FCHSD2: variants seen among roughly 807,000 people sequenced by gnomAD.
FCHSD2 encodes F-BAR and double SH3 domains protein 2.
Under a neutral mutation model 108.1 loss-of-function variants are expected in FCHSD2, and 38 were observed. The observed-to-expected ratio is 0.35, with a 90% CI of 0.27 to 0.46. The LOEUF is 0.46. FCHSD2 is among the 20% of genes least tolerant of loss of function. FCHSD2 has a pLI of 1.00. For missense variants in FCHSD2, 751 were observed against 897.8 expected (o/e 0.84, Z 2.09); for synonymous variants, 279 against 314.7 (o/e 0.89, Z 1.20).
chr11:73,132,793 C>T (rs2135573405), intron 2 of FCHSD2, among the ~76,000 whole-genome samples: 1 of 148,868 alleles, frequency 6.7e-6, no homozygotes, highest in South Asian at 2.1e-4. Context: ...CCCCTGCACT[C>T]CAGTCTGGGT....
intron 2 of FCHSD2, among the ~76,000 whole-genome samples, chr11:73,116,840 A>C (rs866875567): frequency 6.6e-6 from 1 of 152,254 alleles, no homozygotes; most frequent in East Asian, 1.9e-4. Flanking sequence ...CCTGGCCCAT[A>C]TCTCTTTTTT....
At chr11:72,903,219 T>G (rs1218909202) in intron 9 of FCHSD2, among the ~76,000 whole-genome samples, 1 of 148,122 alleles carries the variant, frequency 6.8e-6, no homozygotes, top group Non-Finnish European at 1.5e-5. Flanking sequence ...ATTTATTTAT[T>G]TATTTATTTA....
intron 3 of FCHSD2, among the ~76,000 whole-genome samples, chr11:73,080,044 T>A (rs373226801): frequency 1.1e-4 from 16 of 152,012 alleles, no homozygotes; most frequent in African/African-American, 3.6e-4. Context: ...ATGCCTCTAA[T>A]CCCCAGTGCT....
At chr11:73,059,947 T>C (rs1859122058) in intron 3 of FCHSD2, among the ~76,000 whole-genome samples, 2 of 152,356 alleles carry the variant, frequency 1.3e-5, no homozygotes, top group Admixed American at 1.3e-4. Flanking sequence ...CTGTACCTTG[T>C]TTACATGGTC....
At chr11:72,877,167 T>C (rs1854988484) in intron 12 of FCHSD2, among the ~76,000 whole-genome samples, 1 of 151,950 alleles carries the variant, frequency 6.6e-6, no homozygotes, top group Admixed American at 6.6e-5. Flanking sequence ...TTGTATTTTT[T>C]GTAGAGATGG....
intron 8 of FCHSD2, among the ~76,000 whole-genome samples, chr11:72,947,612 G>A (rs1856543392): frequency 1.3e-5 from 2 of 152,172 alleles, no homozygotes; most frequent in African/African-American, 4.8e-5. Flanking sequence ...CCTAATGGAC[G>A]TGTAGGAACT....
intron 5 of FCHSD2, among the ~76,000 whole-genome samples, chr11:72,993,224 A>G (rs1281405849): frequency 2.0e-5 from 3 of 152,174 alleles, no homozygotes; most frequent in Non-Finnish European, 1.5e-5. Context: ...ATCTCACACC[A>G]GTTAGAATGG....
intron 3 of FCHSD2, among the ~76,000 whole-genome samples, chr11:73,040,295 C>A (rs548637226): frequency 5.9e-5 from 9 of 152,138 alleles, no homozygotes; most frequent in Non-Finnish European, 1.0e-4. Context: ...GTAATTGTTT[C>A]GCAGTCATGT....
intron 2 of FCHSD2, among the ~76,000 whole-genome samples, chr11:73,114,522 A>G (rs1860562200): frequency 6.6e-6 from 1 of 152,040 alleles, no homozygotes; most frequent in Admixed American, 6.5e-5. Context: ...TAGCCACCAT[A>G]GCTGGAAATA....
intron 13 of FCHSD2, 115 bp downstream of exon 13, chr11:72,867,750 T>C: frequency 1.2e-6 from 1 of 823,524 alleles, no homozygotes; most frequent in Non-Finnish European, 1.9e-6. Flanking sequence ...AAAACCTAAA[T>C]CACTAGCAAA....
chr11:73,118,757 G>A (rs370154472), intron 2 of FCHSD2, among the ~76,000 whole-genome samples: 4 of 152,222 alleles, frequency 2.6e-5, no homozygotes, highest in African/African-American at 9.6e-5. Flanking sequence ...CACGTGTAAT[G>A]CATTGTTCTG....
At chr11:72,968,914 A>G (rs1349471506) in intron 8 of FCHSD2, among the ~76,000 whole-genome samples, 1 of 152,226 alleles carries the variant, frequency 6.6e-6, no homozygotes, top group East Asian at 1.9e-4. Context: ...ACAAAAATAA[A>G]ACCCAGTTAT....
At chr11:73,124,120 T>C (rs1219003383) in intron 2 of FCHSD2, among the ~76,000 whole-genome samples, 1 of 152,124 alleles carries the variant, frequency 6.6e-6, no homozygotes, top group Non-Finnish European at 1.5e-5. Flanking sequence ...GGGACATGGA[T>C]GAAGCTGGAA....
chr11:72,845,091 G>A (rs1021959194), intron 14 of FCHSD2, among the ~76,000 whole-genome samples: 1 of 152,142 alleles, frequency 6.6e-6, no homozygotes, highest in Non-Finnish European at 1.5e-5. Context: ...AACCAGGGAG[G>A]TAGTACACTT....
At chr11:73,113,890 A>G (rs537515240) in intron 2 of FCHSD2, among the ~76,000 whole-genome samples, 10 of 152,264 alleles carry the variant, frequency 6.6e-5, no homozygotes, top group African/African-American at 2.4e-4. Flanking sequence ...AGAATTCTCT[A>G]TATTACTAGG....
At chr11:72,855,916 C>CT (rs957204842) in intron 13 of FCHSD2, among the ~76,000 whole-genome samples, 2 of 152,258 alleles carry the variant, frequency 1.3e-5, no homozygotes, top group African/African-American at 4.8e-5. Context: ...AGAATATGCA[C>CT]GTTTTACTTT....
chr11:72,840,892 A>G lies in FCHSD2; in HGVS notation c.2124T>C (p.Tyr708=), dbSNP rs1427883764. ...AGAGACTTACAGGTCGCAGTTTGCC[A>G]TATGAGGTCTCAGGAGTATGCCTTG... ...QASRHTPETS[Y]GKLRPVRAAP... is the part of the protein sequence containing the mutation. The change falls in exon 19 of 20, where the codon TAT becomes TAC. Residue 708 remains tyrosine (Y), a synonymous_variant. Transcript: ENST00000409418. 3 of 1,612,002 alleles carry G rather than the reference A, an allele frequency of 1.9e-6. No individual in the cohort carries two copies. The highest frequency in any genetic ancestry group is 2.2e-5 in the East Asian group (1 of 44,866).
intron 12 of FCHSD2, among the ~76,000 whole-genome samples, chr11:72,880,744 C>T (rs972074215): frequency 4.6e-5 from 7 of 151,618 alleles, no homozygotes; most frequent in African/African-American, 1.7e-4. Flanking sequence ...AGCGAAACCC[C>T]ATCTTACTAA....
intron 9 of FCHSD2, among the ~76,000 whole-genome samples, chr11:72,920,545 G>A (rs1169054541): frequency 2.0e-5 from 3 of 152,146 alleles, no homozygotes; most frequent in Non-Finnish European, 4.4e-5. Flanking sequence ...TTCAAGACCA[G>A]CCTGATCAAC....
Sources: gnomAD v4.1 joint callset for allele counts (sites outside exome capture counted in the v4.1 genomes callset) on GRCh38, gnomAD v4.1.1 for gene constraint, MANE v1.5 for transcripts, NCBI Gene and HGNC (gene_info 2026-07-23, HGNC 2026-07-21) for gene names.